The following EEPD1 variants were observed in gnomAD, a reference collection of about 807,000 sequenced individuals.
The protein encoded by EEPD1 is endonuclease/exonuclease/phosphatase family domain-containing protein 1.
In EEPD1, 17 loss-of-function variants were observed where a neutral mutation model predicts 46.3. The ratio of observed to expected loss-of-function variants is 0.37; its 90% CI spans 0.25 to 0.55. The LOEUF is 0.55. Among genes scored for constraint, EEPD1 ranks in the 20% least tolerant of loss-of-function variants. EEPD1 has a pLI of 0.83. For synonymous variants in EEPD1, 313 were observed against 315.6 expected, an observed-to-expected ratio of 0.99 and a Z score of 0.09; for missense variants, 673 against 745.6, an observed-to-expected ratio of 0.90 and a Z score of 1.13.
At chr7:36,244,472 A>C (rs1185897569) in intron 3 of EEPD1, among the ~76,000 whole-genome samples, 1 of 152,258 alleles carries the variant, frequency 6.6e-6, no homozygotes, top group African/African-American at 2.4e-5. Flanking sequence ...TTAGGATCTT[A>C]GTATTTTAAC....
chr7:36,246,851 C>T (rs1393926832), intron 3 of EEPD1, among the ~76,000 whole-genome samples: 1 of 152,004 alleles, frequency 6.6e-6, no homozygotes, highest in East Asian at 1.9e-4. Context: ...TTGGGCTGGG[C>T]GCAGTGTCTC....
At chr7:36,268,905 G>A (rs978429788) in intron 3 of EEPD1, among the ~76,000 whole-genome samples, 2 of 152,180 alleles carry the variant, frequency 1.3e-5, no homozygotes, top group Admixed American at 1.3e-4. Flanking sequence ...TTGGTAAGTG[G>A]TAGATCCAAA....
intron 2 of EEPD1, among the ~76,000 whole-genome samples, chr7:36,223,075 C>T (rs1400419407): frequency 6.6e-6 from 1 of 151,854 alleles, no homozygotes; most frequent in African/African-American, 2.4e-5. Context: ...CGCTTGAACC[C>T]GGGAGGCAGA....
At chr7:36,206,623 TC>T (rs1028216074) in intron 2 of EEPD1, among the ~76,000 whole-genome samples, 18 of 152,188 alleles carry the variant, frequency 1.2e-4, no homozygotes, top group Non-Finnish European at 1.0e-4. Context: ...TGTAGAGTCC[TC>T]CTAATATTCA....
At chr7:36,262,522 T>C (rs1786944103) in intron 3 of EEPD1, among the ~76,000 whole-genome samples, 1 of 152,150 alleles carries the variant, frequency 6.6e-6, no homozygotes, top group African/African-American at 2.4e-5. Context: ...TGGTTTGACC[T>C]TTGTCTTGGG....
intron 3 of EEPD1, among the ~76,000 whole-genome samples, chr7:36,273,583 G>A (rs1787143052): frequency 1.3e-5 from 2 of 151,744 alleles, no homozygotes; most frequent in Admixed American, 1.3e-4. Context: ...AGAGAAGGAG[G>A]GAGAAAGGGG....
intron 2 of EEPD1, among the ~76,000 whole-genome samples, chr7:36,161,700 A>G (rs1477635397): frequency 1.3e-5 from 2 of 152,056 alleles, no homozygotes; most frequent in African/African-American, 4.8e-5. Flanking sequence ...GTGTCATTTT[A>G]ATTTCAAAAT....
At chr7:36,185,951 C>T (rs1239891281) in intron 2 of EEPD1, among the ~76,000 whole-genome samples, 1 of 152,220 alleles carries the variant, frequency 6.6e-6, no homozygotes, top group Non-Finnish European at 1.5e-5. Flanking sequence ...CCATTTAACA[C>T]TGGAACAAGT....
chr7:36,159,347 C>T (rs1318429676), intron 2 of EEPD1, among the ~76,000 whole-genome samples: 2 of 152,152 alleles, frequency 1.3e-5, no homozygotes, highest in African/African-American at 4.8e-5. Context: ...CTCATATGAA[C>T]AATAGGCTCA....
At chr7:36,242,047 T>G (rs1276451210) in intron 3 of EEPD1, among the ~76,000 whole-genome samples, 1 of 152,212 alleles carries the variant, frequency 6.6e-6, no homozygotes, top group Non-Finnish European at 1.5e-5. Flanking sequence ...AGGATGTGAT[T>G]TTGATGCTGA....
chr7:36,292,063 T>A (rs1787450794), intron 6 of EEPD1, among the ~76,000 whole-genome samples: 1 of 152,250 alleles, frequency 6.6e-6, no homozygotes. Flanking sequence ...GCACACATAT[T>A]TAACTTCCAC....
chr7:36,262,082 GT>G (rs1786933826), intron 3 of EEPD1, among the ~76,000 whole-genome samples: 1 of 152,146 alleles, frequency 6.6e-6, no homozygotes, highest in Admixed American at 6.5e-5. Context: ...CCTGGACTTG[GT>G]TTCCCCCCAC....
At chr7:36,214,668 T>TC (rs143793483) in intron 2 of EEPD1, among the ~76,000 whole-genome samples, 17,678 of 152,142 alleles carry the variant, frequency 0.12, 1,083 homozygotes, top group East Asian at 0.22. Context: ...TTAGGAACAT[T>TC]CCCGGGTGAT....
At chr7:36,286,118 C>A (rs1028047159) in intron 5 of EEPD1, among the ~76,000 whole-genome samples, 2 of 152,150 alleles carry the variant, frequency 1.3e-5, no homozygotes, top group Non-Finnish European at 2.9e-5. Context: ...ATGGGTGATA[C>A]TGATAATCCA....
In EEPD1 at chr7:36,193,466, C is replaced by T. The variant is rs185408831; in HGVS notation, c.878+38264C>T. Among the ~76,000 whole-genome samples, 159 of 152,220 alleles carry T rather than the reference C, an allele frequency of 1.0e-3. 1 individual carries two copies. Among genetic ancestry groups the T allele is most frequent in the Middle Eastern group, 3.4e-3 (1 of 294 alleles). ...TTCATGCCAGCCTTGGGAGGTCCCCCGGGGAGTGCGGTCCCCTGAAGGCAG... is the reference window on the plus strand; with the variant it reads ...TTCATGCCAGCCTTGGGAGGTCCCCTGGGGAGTGCGGTCCCCTGAAGGCAG... On this transcript the variant is annotated intron_variant, in intron 2 of 7. Coordinates refer to ENST00000242108, the MANE Select transcript of EEPD1 (RefSeq NM_030636.3). The surrounding 1 kb of genome is among the most constrained non-coding windows in gnomAD (Gnocchi z 4.9).
Position 36,154,351 on chromosome 7 carries a change from C to A in EEPD1, c.27C>A (p.Arg9=). Reference sequence around the variant, plus strand: ...TGGGGAGCACCCTGGGCTGCCACCGCTCCATCCCCAGGGACCCCTCGGACC... The same window carrying A: ...TGGGGAGCACCCTGGGCTGCCACCGATCCATCCCCAGGGACCCCTCGGACC... The part of the protein sequence containing the change: MGSTLGCH[R]SIPRDPSDLS... Residue 9 remains arginine (R), a synonymous_variant, in exon 2 of 8, where the codon CGC becomes CGA. Coordinates refer to ENST00000242108, the MANE Select transcript of EEPD1 (RefSeq NM_030636.3). The surrounding 1 kb of genome is among the most constrained non-coding windows in gnomAD (Gnocchi z 4.2). 1 of 1,612,210 alleles carries A rather than the reference C, an allele frequency of 6.2e-7. No homozygotes were observed.
chr7:36,202,817 A>C (rs1785736373), intron 2 of EEPD1, among the ~76,000 whole-genome samples: 1 of 152,196 alleles, frequency 6.6e-6, no homozygotes, highest in Non-Finnish European at 1.5e-5. Flanking sequence ...AAGGTCATGT[A>C]GCTTATACGT....
At chr7:36,176,009 G>T (rs1479209386) in intron 2 of EEPD1, among the ~76,000 whole-genome samples, 2 of 152,180 alleles carry the variant, frequency 1.3e-5, no homozygotes, top group Non-Finnish European at 2.9e-5. Flanking sequence ...GGCCCTTTCA[G>T]CCCTGAGTGA....
intron 3 of EEPD1, among the ~76,000 whole-genome samples, chr7:36,270,739 A>G (rs138361586): frequency 0.019 from 2,903 of 152,216 alleles, 23 homozygotes; most frequent in Non-Finnish European, 0.031. Context: ...AGTCTTTGTT[A>G]CTGTGAATAG....
Sources: allele counts gnomAD v4.1 joint callset (sites outside exome capture counted in the v4.1 genomes callset), GRCh38; gene constraint gnomAD v4.1.1; non-coding constraint Gnocchi (gnomAD v3.1); transcripts MANE v1.5; gene names NCBI Gene and HGNC (gene_info 2026-07-23, HGNC 2026-07-21).